Variants in CAPS2 observed in about 807,000 individuals in gnomAD.
The protein encoded by CAPS2 is calcyphosine 2.
CAPS2 carries 98 observed loss-of-function variants against 86.5 expected under a neutral mutation model. The ratio of observed to expected loss-of-function variants is 1.13; its 90% confidence interval spans 0.96 to 1.34. The LOEUF (loss-of-function observed/expected upper bound fraction) is 1.34. Ranked by LOEUF, CAPS2 falls within the 40% of genes most tolerant of loss-of-function variation. The pLI, the probability that CAPS2 is intolerant of heterozygous loss-of-function variation, is 0.00. For synonymous variants in CAPS2, 210 were observed against 225.1 expected (o/e 0.93, Z 0.60); for missense variants, 729 against 686.8 (o/e 1.06, Z -0.69).
intron 13 of CAPS2, among the ~76,000 whole-genome samples, chr12:75,290,835 G>A (rs2035709133): frequency 6.6e-6 from 1 of 150,910 alleles, no homozygotes; most frequent in Admixed American, 6.6e-5. Flanking sequence ...AGGCAAGGAG[G>A]CTCACTTGAA....
At chr12:75,355,285 C>CA (rs1272884621) in intron 1 of CAPS2, among the ~76,000 whole-genome samples, 8 of 151,386 alleles carry the variant, frequency 5.3e-5, no homozygotes, top group African/African-American at 1.2e-4. Flanking sequence ...ACTTACAAAA[C>CA]AAAAAATCAT....
chr12:75,335,579 T>C (rs2041675622), intron 1 of CAPS2, among the ~76,000 whole-genome samples: 1 of 152,186 alleles, frequency 6.6e-6, no homozygotes, highest in Admixed American at 6.5e-5. Context: ...GTAGATACAG[T>C]ATAACTCATA....
chr12:75,300,441 A>T (rs1046785292), intron 8 of CAPS2, among the ~76,000 whole-genome samples: 2 of 151,310 alleles, frequency 1.3e-5, no homozygotes, highest in African/African-American at 2.4e-5. Flanking sequence ...CCGTAGTCTC[A>T]GCTACTCAGG....
intron 6 of CAPS2, 67 bp from the exon 7 acceptor site, chr12:75,312,982 A>T: frequency 1.1e-6 from 1 of 873,224 alleles, no homozygotes. Flanking sequence ...TTAACACAAA[A>T]GTTCTAAAAC....
intron 13 of CAPS2, among the ~76,000 whole-genome samples, chr12:75,291,538 G>GTATATA (rs5799217): frequency 2.7e-4 from 7 of 26,142 alleles, no homozygotes; most frequent in African/African-American, 1.2e-3. Flanking sequence ...ATTTTAAAAA[G>GTATATA]TATATATATA....
intron 15 of CAPS2, among the ~76,000 whole-genome samples, chr12:75,282,932 G>A (rs2034241924): frequency 1.3e-5 from 2 of 152,030 alleles, no homozygotes; most frequent in Non-Finnish European, 2.9e-5. Context: ...CTATTTCCAT[G>A]GCCTCTCTCC....
chr12:75,354,173 G>GT (rs2042997114), intron 1 of CAPS2, among the ~76,000 whole-genome samples: 1 of 144,360 alleles, frequency 6.9e-6, no homozygotes. Context: ...AAAAGGGGGG[G>GT]GGGTATTCAA....
At chr12:75,277,213 T>A (rs2033084433) in exon 17 of CAPS2, 1 of 684,136 alleles carries the variant, frequency 1.5e-6, no homozygotes, top group Non-Finnish European at 1.8e-6. Context: ...AGCTTCCCTT[T>A]TTTTTTTTTT....
intron 1 of CAPS2, chr12:75,363,196 CAA>C: frequency 1.6e-6 from 2 of 1,289,486 alleles, no homozygotes; most frequent in Non-Finnish European, 1.0e-6. Flanking sequence ...CTGCAGTAAG[CAA>C]AAATATATAT....
intron 8 of CAPS2, among the ~76,000 whole-genome samples, chr12:75,300,500 GAGCCGAGA>G: frequency 7.1e-6 from 1 of 140,650 alleles, no homozygotes; most frequent in Non-Finnish European, 1.5e-5. Flanking sequence ...AGCTTGCAGT[GAGCCGAGA>G]TCGCGCCACT....
At chr12:75,383,322 A>G (rs1401705154) in intron 1 of CAPS2, among the ~76,000 whole-genome samples, 2 of 152,174 alleles carry the variant, frequency 1.3e-5, no homozygotes, top group African/African-American at 4.8e-5. Context: ...CCATACTCCT[A>G]TCTTAGTCAC....
intron 5 of CAPS2, among the ~76,000 whole-genome samples, chr12:75,317,474 T>C (rs1261066398): frequency 6.6e-6 from 1 of 152,194 alleles, no homozygotes; most frequent in Admixed American, 6.6e-5. Flanking sequence ...TTGTATTTTG[T>C]TCAGGTTGAA....
chr12:75,366,877 T>G, intron 1 of CAPS2: 1 of 701,576 alleles, frequency 1.4e-6, no homozygotes, highest in South Asian at 1.5e-5. Flanking sequence ...AAACTAATTT[T>G]GTTGAGGGTT....
Position 75,278,641 on chromosome 12 carries a change from C to G in CAPS2, c.*249G>C. The G allele has an allele frequency of 1.0e-5, 12 of 1,158,744 alleles. No individual in the cohort carries two copies. The South Asian group carries it at 4.8e-4, about 46-fold the overall frequency. 71.8% of individuals were successfully genotyped at this position (1,158,744 alleles called of 1,614,324 possible). On this transcript the variant is annotated 3_prime_UTR_variant, in exon 17 of 17. Transcript: ENST00000393284. ...GTAATAAACCAAAAAGATATCTTTACAAATGTAAGGACATGTGAACAGGCA... is the reference window on the plus strand; with the variant it reads ...GTAATAAACCAAAAAGATATCTTTAGAAATGTAAGGACATGTGAACAGGCA...
intron 1 of CAPS2, among the ~76,000 whole-genome samples, chr12:75,359,357 C>CTTTTTTTTTTTTTTTTTTTTTT (rs61616225): frequency 3.5e-5 from 1 of 28,600 alleles, no homozygotes; most frequent in Non-Finnish European, 6.6e-5. Flanking sequence ...GCATTGTTGT[C>CTTTTTTTTTTTTTTTTTTTTTT]TTTTTTTTTT....
At chr12:75,363,074 G>T in intron 1 of CAPS2, 1 of 1,212,890 alleles carries the variant, frequency 8.2e-7, no homozygotes, top group South Asian at 1.4e-5. Context: ...ACAGCCATTT[G>T]GCTAATCAAT....
intron 9 of CAPS2, 60 bp from the exon 10 acceptor site, chr12:75,299,026 T>A (rs1005483967): frequency 5.6e-5 from 62 of 1,098,622 alleles, no homozygotes; most frequent in Admixed American, 2.8e-4. Flanking sequence ...ATGAATTAAC[T>A]AAAAAACATG....
intron 7 of CAPS2, among the ~76,000 whole-genome samples, chr12:75,308,704 A>C (rs1353180837): frequency 3.3e-5 from 5 of 152,150 alleles, no homozygotes; most frequent in Non-Finnish European, 7.4e-5. Flanking sequence ...AGGAATTAAA[A>C]GTTGGATAAA....
chr12:75,346,798 ATAGCT>A (rs1413211285), intron 1 of CAPS2, among the ~76,000 whole-genome samples: 14 of 152,228 alleles, frequency 9.2e-5, no homozygotes, highest in African/African-American at 3.4e-4. Flanking sequence ...AATTTACGAA[ATAGCT>A]TAGTACATTT....
Sources: allele counts gnomAD v4.1 joint callset (sites outside exome capture counted in the v4.1 genomes callset), GRCh38; gene constraint gnomAD v4.1.1; transcripts MANE v1.5; gene names NCBI Gene and HGNC (gene_info 2026-07-23, HGNC 2026-07-21).